NCKAP5: variants seen among roughly 807,000 people sequenced by gnomAD.
NCKAP5 encodes NCK associated protein 5, also known as nck-associated protein 5.
A neutral mutation model predicts 167.0 loss-of-function variants in NCKAP5; 92 were observed. The ratio of observed to expected loss-of-function variants is 0.55; its 90% confidence interval spans 0.47 to 0.66. NCKAP5 has a LOEUF of 0.66. Among genes scored for constraint, NCKAP5 ranks in the 30% least tolerant of loss-of-function variants. The pLI, the probability that NCKAP5 is intolerant of heterozygous loss-of-function variation, is 0.00. For synonymous variants in NCKAP5, 891 were observed against 877.4 expected, an observed-to-expected ratio of 1.02 and a Z score of -0.27; for missense variants, 2,378 against 2,315.0, an observed-to-expected ratio of 1.03 and a Z score of -0.56.
Position 133,065,301 on chromosome 2 carries a change from C to T in NCKAP5, c.341+64677G>A, listed in dbSNP as rs183998559. Reference sequence around the variant, plus strand: ...AAAGCTCAAATGGTAAAAACAGCTGCGCAACAGCCATTTCTATAGTTTTCC... The same window carrying T: ...AAAGCTCAAATGGTAAAAACAGCTGTGCAACAGCCATTTCTATAGTTTTCC... On this transcript the variant is annotated intron_variant, in intron 6 of 19. Transcript: ENST00000409261. 1.3e-3 allele frequency among the ~76,000 whole-genome samples: 203 copies of T among 152,226 alleles called. 3 individuals are homozygous for T. The highest frequency in any genetic ancestry group is 4.2e-3 in the African/African-American group (176 of 41,538).
At chr2:133,488,591 T>G (rs899909603) in intron 3 of NCKAP5, among the ~76,000 whole-genome samples, 3 of 152,020 alleles carry the variant, frequency 2.0e-5, no homozygotes, top group African/African-American at 7.2e-5. Flanking sequence ...AGTGGCACTT[T>G]GGGAGGCAAG....
chr2:133,406,656 A>C (rs1455875668), intron 3 of NCKAP5, among the ~76,000 whole-genome samples: 1 of 152,172 alleles, frequency 6.6e-6, no homozygotes, highest in Non-Finnish European at 1.5e-5. Flanking sequence ...AAAAGAGTTT[A>C]ATAATTTATC....
At chr2:133,620,118 C>T in the NCKAP5 span, among the ~76,000 whole-genome samples, 1 of 151,780 alleles carries the variant, frequency 6.6e-6, no homozygotes, top group East Asian at 1.9e-4. Context: ...TCTTGAAATA[C>T]ACCAAAACAG....
chr2:132,969,140 C>T (rs567957955), intron 7 of NCKAP5, among the ~76,000 whole-genome samples: 13 of 152,180 alleles, frequency 8.5e-5, no homozygotes, highest in South Asian at 2.1e-4. Flanking sequence ...TGGGTACAGG[C>T]GATTCTCCTG....
At chr2:132,874,240 C>G (rs915719883) in intron 9 of NCKAP5, among the ~76,000 whole-genome samples, 40 of 151,808 alleles carry the variant, frequency 2.6e-4, no homozygotes, top group Admixed American at 1.3e-4. Context: ...TCCCAAGTAG[C>G]TAGGCCTACA....
In NCKAP5 at chr2:132,739,328, G is replaced by A. The variant is rs1691809887; in HGVS notation, c.5129-7277C>T. On this transcript the variant is annotated intron_variant, in intron 16 of 19. Coordinates refer to ENST00000409261, the MANE Select transcript of NCKAP5 (RefSeq NM_207363.3). ...GTATCTGTCAAAAGAGATTATTATAGGCCAGGTTTAAGGAAACCTGACTTT... is the reference window on the plus strand; with the variant it reads ...GTATCTGTCAAAAGAGATTATTATAAGCCAGGTTTAAGGAAACCTGACTTT... 2.0e-5 allele frequency among the ~76,000 whole-genome samples: 3 copies of A among 152,072 alleles called. No individual in the cohort carries two copies. The South Asian group carries it at 6.2e-4, about 32-fold the overall frequency.
chr2:133,176,883 G>A (rs1234472943), intron 5 of NCKAP5, among the ~76,000 whole-genome samples: 1 of 152,202 alleles, frequency 6.6e-6, no homozygotes, highest in South Asian at 2.1e-4. Flanking sequence ...CAACTTTAGG[G>A]TTCTGAAGTC....
chr2:132,820,285 G>A (rs1558819805), intron 11 of NCKAP5, among the ~76,000 whole-genome samples: 1 of 151,600 alleles, frequency 6.6e-6, no homozygotes, highest in Non-Finnish European at 1.5e-5. Flanking sequence ...GCTGGAGTGT[G>A]GTGGTGCAAT....
chr2:133,516,473 C>T (rs1684009514), intron 3 of NCKAP5, among the ~76,000 whole-genome samples: 1 of 152,178 alleles, frequency 6.6e-6, no homozygotes, highest in Non-Finnish European at 1.5e-5. Flanking sequence ...AAGAACTTGA[C>T]ATAAATGCTT....
At chr2:133,070,685 T>G (rs912668447) in intron 6 of NCKAP5, among the ~76,000 whole-genome samples, 42 of 152,112 alleles carry the variant, frequency 2.8e-4, no homozygotes, top group African/African-American at 9.6e-4. Context: ...AGTTATACAC[T>G]CCTCCCACCC....
At chr2:132,856,631 A>T (rs1483385362) in intron 11 of NCKAP5, among the ~76,000 whole-genome samples, 1 of 152,214 alleles carries the variant, frequency 6.6e-6, no homozygotes, top group Non-Finnish European at 1.5e-5. Context: ...TCCCATCAGG[A>T]TAATGGTTAC....
chr2:133,078,984 T>C (rs1042629127), intron 6 of NCKAP5, among the ~76,000 whole-genome samples: 1 of 152,162 alleles, frequency 6.6e-6, no homozygotes, highest in African/African-American at 2.4e-5. Flanking sequence ...ACGAGGCTCT[T>C]AGTAACTAGA....
rs542038995 is a variant in NCKAP5 at position 133,329,345 on chromosome 2, G to A, written c.70-26235C>T. 2.6e-5 allele frequency among the ~76,000 whole-genome samples: 4 copies of A among 152,242 alleles called. No individual in the cohort carries two copies. The South Asian group carries it at 8.3e-4, about 32-fold the overall frequency. ...CTGGGGAAAGCACCTAAAAGAAGAG[G>A]GAGTACCAAGCATGCCTTAAATATC... On this transcript the variant is annotated intron_variant, in intron 3 of 19. Coordinates refer to ENST00000409261, the MANE Select transcript of NCKAP5 (RefSeq NM_207363.3).
chr2:132,796,051 T>C (rs1684579344), intron 12 of NCKAP5, among the ~76,000 whole-genome samples: 1 of 152,154 alleles, frequency 6.6e-6, no homozygotes, highest in African/African-American at 2.4e-5. Context: ...CTATCTACAC[T>C]GATGGAATTA....
At chr2:132,767,835 G>A (rs1681651654) in intron 16 of NCKAP5, among the ~76,000 whole-genome samples, 1 of 152,254 alleles carries the variant, frequency 6.6e-6, no homozygotes, top group Non-Finnish European at 1.5e-5. Flanking sequence ...GGGAAGAATG[G>A]AGGAAGGACA....
At chr2:132,739,503 T>C (rs1212158470) in intron 16 of NCKAP5, among the ~76,000 whole-genome samples, 1 of 152,184 alleles carries the variant, frequency 6.6e-6, no homozygotes, top group Non-Finnish European at 1.5e-5. Context: ...TAAATAGTCA[T>C]AGCTCATTTT....
At chr2:133,182,696 C>T (rs2084788231) in intron 5 of NCKAP5, among the ~76,000 whole-genome samples, 1 of 151,880 alleles carries the variant, frequency 6.6e-6, no homozygotes, top group Non-Finnish European at 1.5e-5. Context: ...AATGTAAGTT[C>T]CCAACTCAAA....
At chr2:132,884,141 C>A (rs1353137189) in intron 8 of NCKAP5, among the ~76,000 whole-genome samples, 2 of 152,312 alleles carry the variant, frequency 1.3e-5, no homozygotes, top group Non-Finnish European at 2.9e-5. Context: ...TTTTAACAAA[C>A]CTGTGAACAC....
chr2:132,957,932 T>C (rs2076390550), intron 8 of NCKAP5, among the ~76,000 whole-genome samples: 1 of 152,210 alleles, frequency 6.6e-6, no homozygotes, highest in Non-Finnish European at 1.5e-5. Flanking sequence ...CAGTCATCTT[T>C]CTACACGGCT....
Sources: gnomAD v4.1 joint callset for allele counts (sites outside exome capture counted in the v4.1 genomes callset) on GRCh38, gnomAD v4.1.1 for gene constraint, MANE v1.5 for transcripts, NCBI Gene and HGNC (gene_info 2026-07-23, HGNC 2026-07-21) for gene names.